The following LRRC37A2 variants were observed in gnomAD, a reference collection of about 807,000 sequenced individuals.
The protein encoded by LRRC37A2 is leucine rich repeat containing 37 member A2.
LRRC37A2 carries 9 observed loss-of-function variants against 68.8 expected under a neutral mutation model. The observed-to-expected ratio is 0.13, with a 90% CI of 0.08 to 0.23. LRRC37A2 has a LOEUF of 0.23. Among genes scored for constraint, LRRC37A2 ranks in the 10% least tolerant of loss-of-function variants. The pLI is 1.00. For missense variants in LRRC37A2, 168 were observed against 950.4 expected, an observed-to-expected ratio of 0.18 and a Z score of 10.82; for synonymous variants, 63 against 367.6, an observed-to-expected ratio of 0.17 and a Z score of 9.48.
the LRRC37A2 span, among the ~76,000 whole-genome samples, chr17:47,016,407 G>A: frequency 1.4e-5 from 2 of 142,946 alleles, no homozygotes; most frequent in Admixed American, 7.1e-5. Flanking sequence ...AGTTACAGTC[G>A]CATTTCAGGA....
intron 2 of LRRC37A2, among the ~76,000 whole-genome samples, chr17:46,516,039 G>C (rs1431344606): frequency 3.0e-5 from 4 of 132,642 alleles, no homozygotes; most frequent in African/African-American, 6.1e-5. Flanking sequence ...GGTGGCTCAC[G>C]CCTGTAATCC....
chr17:46,765,642 C>T, the LRRC37A2 span, among the ~76,000 whole-genome samples: 1 of 152,254 alleles, frequency 6.6e-6, no homozygotes. Flanking sequence ...CGCAGGCTCC[C>T]GTCTTGCCTA....
At chr17:47,025,806 C>A in the LRRC37A2 span, among the ~76,000 whole-genome samples, 1 of 122,370 alleles carries the variant, frequency 8.2e-6, no homozygotes, top group South Asian at 3.2e-4. Context: ...GGTGTAAAGA[C>A]CCTCAGGTGG....
the LRRC37A2 span, among the ~76,000 whole-genome samples, chr17:46,767,378 T>TA: frequency 6.6e-6 from 1 of 152,184 alleles, no homozygotes; most frequent in Non-Finnish European, 1.5e-5. Flanking sequence ...TATGGGCTTA[T>TA]ATGCCGCTTC....
At chr17:46,785,116 A>G in the LRRC37A2 span, among the ~76,000 whole-genome samples, 3 of 152,084 alleles carry the variant, frequency 2.0e-5, no homozygotes, top group Non-Finnish European at 4.4e-5. Flanking sequence ...CTAAGCCTTC[A>G]GTGCACAGCT....
chr17:46,858,640 C>T, the LRRC37A2 span, among the ~76,000 whole-genome samples: 7 of 152,084 alleles, frequency 4.6e-5, no homozygotes, highest in Non-Finnish European at 1.0e-4. Flanking sequence ...TCATACAGCC[C>T]CTTCTCTCAC....
chr17:46,960,717 A>G, the LRRC37A2 span, among the ~76,000 whole-genome samples: 1 of 152,216 alleles, frequency 6.6e-6, no homozygotes, highest in African/African-American at 2.4e-5. Flanking sequence ...GTGAAACGAT[A>G]TGGATGCATT....
chr17:46,788,347 T>C, the LRRC37A2 span, among the ~76,000 whole-genome samples: 6 of 152,216 alleles, frequency 3.9e-5, no homozygotes, highest in African/African-American at 1.4e-4. Flanking sequence ...GATTGGGAAA[T>C]GAGAACCTTA....
At chr17:47,030,147 C>A in the LRRC37A2 span, among the ~76,000 whole-genome samples, 1 of 136,484 alleles carries the variant, frequency 7.3e-6, no homozygotes, top group Non-Finnish European at 1.6e-5. Context: ...ATCTAGCCAG[C>A]TTCACTACAA....
the LRRC37A2 span, among the ~76,000 whole-genome samples, chr17:46,898,053 T>C: frequency 6.6e-6 from 1 of 152,132 alleles, no homozygotes. Context: ...GGAGGTTGTA[T>C]GAATGTTCCG....
At chr17:46,911,038 T>C in the LRRC37A2 span, among the ~76,000 whole-genome samples, 3 of 152,222 alleles carry the variant, frequency 2.0e-5, no homozygotes, top group South Asian at 4.1e-4. Flanking sequence ...GAGAGGAAGG[T>C]GGGTGCAGAG....
the LRRC37A2 span, among the ~76,000 whole-genome samples, chr17:46,831,177 T>A: frequency 1.3e-5 from 2 of 152,136 alleles, no homozygotes; most frequent in South Asian, 4.1e-4. Context: ...GCTGAGGGCT[T>A]GCAGTCAGGG....
the LRRC37A2 span, among the ~76,000 whole-genome samples, chr17:46,856,570 C>T: frequency 3.3e-5 from 5 of 151,754 alleles, no homozygotes; most frequent in East Asian, 1.9e-4. Flanking sequence ...CTGCAGCCTC[C>T]GCCTCCCGGT....
chr17:46,893,983 G>T, the LRRC37A2 span, among the ~76,000 whole-genome samples: 1 of 152,182 alleles, frequency 6.6e-6, no homozygotes, highest in Non-Finnish European at 1.5e-5. Context: ...CTCACCCATG[G>T]CTTGGTTTGT....
At chr17:47,023,384 T>A in the LRRC37A2 span, among the ~76,000 whole-genome samples, 1 of 152,220 alleles carries the variant, frequency 6.6e-6, no homozygotes, top group Non-Finnish European at 1.5e-5. Context: ...CATGATGAGT[T>A]CTAAATTAAA....
At chr17:46,860,824 T>A in the LRRC37A2 span, among the ~76,000 whole-genome samples, 2 of 152,154 alleles carry the variant, frequency 1.3e-5, no homozygotes, top group African/African-American at 4.8e-5. Flanking sequence ...AGGAGGTAGG[T>A]GCTGATATAA....
At chr17:46,704,803 G>A in the LRRC37A2 span, 328 of 1,608,488 alleles carry the variant, frequency 2.0e-4, 1 homozygote, top group African/African-American at 3.8e-3. Flanking sequence ...CAGAAAGCCT[G>A]CAAGTGACGA....
intron 6 of LRRC37A2, among the ~76,000 whole-genome samples, chr17:46,526,987 TCTC>T (rs1406554544): frequency 4.6e-5 from 2 of 43,520 alleles, no homozygotes. Context: ...TTAAAGTGCT[TCTC>T]CTTCATTCCT....
At chr17:46,857,474 C>CAA in the LRRC37A2 span, among the ~76,000 whole-genome samples, 549 of 94,288 alleles carry the variant, frequency 5.8e-3, 5 homozygotes, top group African/African-American at 0.016. Flanking sequence ...GACTCTGTCT[C>CAA]AAAAAAAAAA....
Sources: gnomAD v4.1 joint callset for allele counts (sites outside exome capture counted in the v4.1 genomes callset) on GRCh38, gnomAD v4.1.1 for gene constraint, MANE v1.5 for transcripts, NCBI Gene and HGNC (gene_info 2026-07-23, HGNC 2026-07-21) for gene names.